The following MTRES1 variants were observed in gnomAD, a reference collection of about 807,000 sequenced individuals.
The protein encoded by MTRES1 is mitochondrial transcription rescue factor 1.
Under a neutral mutation model 17.4 loss-of-function variants are expected in MTRES1, and 11 were observed. That is an observed-to-expected ratio of 0.63 (90% confidence interval 0.40 to 1.05). The LOEUF (loss-of-function observed/expected upper bound fraction) is 1.05. MTRES1 is among the 50% of genes least tolerant of loss of function. The pLI, the probability that MTRES1 is intolerant of heterozygous loss-of-function variation, is 0.00. For synonymous variants in MTRES1, 94 were observed against 99.6 expected (o/e 0.94, Z 0.34); for missense variants, 268 against 276.2 (o/e 0.97, Z 0.21).
chr6:107,041,156 C>T (rs1203729626), intron 2 of MTRES1, among the ~76,000 whole-genome samples: 5 of 148,250 alleles, frequency 3.4e-5, no homozygotes, highest in East Asian at 2.0e-4. Flanking sequence ...ACCCGGGAGG[C>T]GGAGCTTGCA....
intron 3 of MTRES1, among the ~76,000 whole-genome samples, chr6:107,048,081 TA>T (rs1554228626): frequency 3.9e-5 from 6 of 152,098 alleles, no homozygotes; most frequent in Non-Finnish European, 7.4e-5. Flanking sequence ...TCTTTAAAAA[TA>T]GTAATTTGAA....
At chr6:107,036,495 G>C (rs1416659446) in intron 1 of MTRES1, among the ~76,000 whole-genome samples, 2 of 151,680 alleles carry the variant, frequency 1.3e-5, no homozygotes, top group African/African-American at 4.8e-5. Flanking sequence ...AGCCGAGATC[G>C]AGCCGTTTCA....
intron 3 of MTRES1, among the ~76,000 whole-genome samples, chr6:107,048,484 A>T (rs1424661694): frequency 1.3e-5 from 2 of 151,796 alleles, no homozygotes; most frequent in East Asian, 2.0e-4. Context: ...TAGTCATTTT[A>T]AAAAATTGAA....
intron 1 of MTRES1, among the ~76,000 whole-genome samples, chr6:107,029,739 C>T (rs1773770637): frequency 6.6e-6 from 1 of 152,098 alleles, no homozygotes; most frequent in Admixed American, 6.6e-5. Context: ...CCGCCTCAGC[C>T]TCCCCAAGTA....
rs115688959 is a variant in MTRES1 at position 107,047,488 on chromosome 6, G to A, written c.543+3156G>A. ...ACCCACCTTGGCCTCCCAAAATTCT[G>A]AGATTGCAGGCATGAGACACCACAC... On this transcript the variant is annotated intron_variant, in intron 3 of 3. Transcript: ENST00000311381. Among the ~76,000 whole-genome samples the A allele has an allele frequency of 2.4e-3, 368 of 152,160 alleles. 1 individual carries two copies. Among genetic ancestry groups the A allele is most frequent in the African/African-American group, 8.6e-3 (357 of 41,536 alleles).
chr6:107,046,946 G>A (rs1289413684), intron 3 of MTRES1, among the ~76,000 whole-genome samples: 1 of 74,500 alleles, frequency 1.3e-5, no homozygotes, highest in African/African-American at 4.1e-5. Flanking sequence ...GTGTGTGTGT[G>A]TGTGTGTGTG....
chr6:107,042,328 G>A (rs311253), intron 2 of MTRES1, among the ~76,000 whole-genome samples: 140,780 of 140,804 alleles, frequency 1, 70,378 homozygotes, highest in Non-Finnish European at 1. Context: ...CAACAAAGTG[G>A]GACTCCGTCT....
chr6:107,043,299 A>C (rs1015868907), intron 2 of MTRES1, among the ~76,000 whole-genome samples: 3 of 151,158 alleles, frequency 2.0e-5, no homozygotes, highest in East Asian at 2.0e-4. Context: ...ACACCACCGC[A>C]CTCCAGCCTG....
chr6:107,032,618 G>A (rs1210501172), intron 1 of MTRES1, among the ~76,000 whole-genome samples: 1 of 152,134 alleles, frequency 6.6e-6, no homozygotes, highest in African/African-American at 2.4e-5. Context: ...GGCTGAGGCG[G>A]GAGAATTGCT....
chr6:107,029,219 G>T lies in MTRES1; in HGVS notation c.-13+948G>T, dbSNP rs1385519088. Among the ~76,000 whole-genome samples the T allele has an allele frequency of 2.7e-5, 4 of 147,476 alleles. No individual in the cohort carries two copies. The East Asian group carries it at 6.0e-4, about 22-fold the overall frequency. ...TTTTTTTTTTTTGAGACGCAGTCTC[G>T]CTCTGTCGCCCAGGCTGGAGTGCAG... On this transcript the variant is annotated intron_variant, in intron 1 of 3. Coordinates refer to ENST00000311381, the MANE Select transcript of MTRES1 (RefSeq NM_016487.5).
At chr6:107,049,717 CTTCT>C (rs1774527161) in intron 3 of MTRES1, among the ~76,000 whole-genome samples, 1 of 110,584 alleles carries the variant, frequency 9.0e-6, no homozygotes, top group Non-Finnish European at 1.8e-5. Flanking sequence ...CCAGCCGGCC[CTTCT>C]TTTTTTTTTT....
intron 2 of MTRES1, 105 bp from the exon 3 acceptor site, chr6:107,044,155 C>A: frequency 1.4e-6 from 1 of 732,336 alleles, no homozygotes; most frequent in South Asian, 1.9e-5. Flanking sequence ...TTTGAGGGTA[C>A]AAGTGTAGTT....
chr6:107,036,781 C>T (rs1485036202), intron 1 of MTRES1, among the ~76,000 whole-genome samples: 12 of 149,792 alleles, frequency 8.0e-5, no homozygotes, highest in African/African-American at 2.0e-4. Context: ...ACCCAGGAGG[C>T]GGAGCTTGCA....
At chr6:107,029,218 C>T (rs556343315) in intron 1 of MTRES1, among the ~76,000 whole-genome samples, 131 of 128,272 alleles carry the variant, frequency 1.0e-3, no homozygotes, top group Admixed American at 3.2e-3. Flanking sequence ...GACGCAGTCT[C>T]GCTCTGTCGC....
At chr6:107,029,496 G>GTTT (rs558351343) in intron 1 of MTRES1, among the ~76,000 whole-genome samples, 121 of 126,584 alleles carry the variant, frequency 9.6e-4, no homozygotes, top group Middle Eastern at 6.2e-3. Flanking sequence ...CTGTTTTGTT[G>GTTT]TTTTTTTTTT....
At chr6:107,033,335 T>G (rs1447292721) in intron 1 of MTRES1, among the ~76,000 whole-genome samples, 2 of 151,344 alleles carry the variant, frequency 1.3e-5, no homozygotes, top group Non-Finnish European at 2.9e-5. Context: ...GTGTGGAGTC[T>G]GGAGGAAGAG....
rs1554229203 is a variant in MTRES1 at position 107,051,223 on chromosome 6, G to C, written c.710G>C (p.Arg237Thr). 6.2e-7 allele frequency: 1 copy of C among 1,613,070 alleles called. No homozygotes were observed. The highest frequency in any genetic ancestry group is 8.5e-7 in the Non-Finnish European group (1 of 1,179,606). The change falls in exon 4 of 4, where the codon AGA becomes ACA. Residue 237 changes from arginine to threonine, a missense_variant. Arg to Thr is a moderately conservative substitution (Grantham distance 71, BLOSUM62 -1). Transcript: ENST00000311381. ...AAAAGTTTAAAGTTGCCTAAGAAGA[G>C]AATGTCTAAATAAATGGATTGCTTT... ...RWKSLKLPKK[R>T]MSK
chr6:107,036,068 T>A (rs1773997149), intron 1 of MTRES1, among the ~76,000 whole-genome samples: 1 of 152,126 alleles, frequency 6.6e-6, no homozygotes, highest in African/African-American at 2.4e-5. Flanking sequence ...TTCCTAGTTA[T>A]GACTTTTGGG....
chr6:107,042,339 C>CA (rs58406771), intron 2 of MTRES1, among the ~76,000 whole-genome samples: 48,446 of 98,686 alleles, frequency 0.49, 12,790 homozygotes, highest in East Asian at 0.63. Context: ...GACTCCGTCT[C>CA]AAAAAAAAAA....
Sources: gnomAD v4.1 joint callset for allele counts (sites outside exome capture counted in the v4.1 genomes callset) on GRCh38, gnomAD v4.1.1 for gene constraint, MANE v1.5 for transcripts, NCBI Gene and HGNC (gene_info 2026-07-23, HGNC 2026-07-21) for gene names.